Variants in DTNB observed in about 807,000 individuals in gnomAD.
DTNB encodes DTN-B.
In DTNB, 63 loss-of-function variants were observed where a neutral mutation model predicts 90.7. The ratio of observed to expected loss-of-function variants is 0.69; its 90% CI spans 0.57 to 0.86. The LOEUF is 0.86. Among genes scored for constraint, DTNB ranks in the 40% least tolerant of loss-of-function variants. DTNB has a pLI of 0.00. For synonymous variants in DTNB, 277 were observed against 286.7 expected (o/e 0.97, Z 0.34); for missense variants, 744 against 807.1 (o/e 0.92, Z 0.95).
intron 8 of DTNB, among the ~76,000 whole-genome samples, chr2:25,570,406 CAAAAAAAAAAAAA>C (rs146251976): frequency 3.3e-5 from 3 of 89,904 alleles, no homozygotes; most frequent in African/African-American, 5.1e-5. Flanking sequence ...TTTCCTGTCT[CAAAAAAAAAAAAA>C]AAAAAAAAAA....
chr2:25,594,903 T>G (rs2064276088), intron 6 of DTNB: 1 of 152,244 alleles, frequency 6.6e-6, no homozygotes, highest in Non-Finnish European at 1.5e-5. Context: ...GTCTATAAAC[T>G]TTATTCAGAT....
chr2:25,440,807 C>G (rs1385163943), intron 12 of DTNB, among the ~76,000 whole-genome samples: 1 of 152,188 alleles, frequency 6.6e-6, no homozygotes, highest in Admixed American at 6.5e-5. Flanking sequence ...ATTTCTCTCT[C>G]AAGTATTTTA....
chr2:25,633,815 T>C (rs1325156050), intron 3 of DTNB, among the ~76,000 whole-genome samples: 1 of 143,908 alleles, frequency 6.9e-6, no homozygotes, highest in Non-Finnish European at 1.5e-5. Context: ...GGAGCGCCTC[T>C]GCCCCGCCAC....
chr2:25,453,735 T>A (rs892894385), intron 11 of DTNB, among the ~76,000 whole-genome samples: 11 of 152,174 alleles, frequency 7.2e-5, no homozygotes, highest in African/African-American at 1.9e-4. Flanking sequence ...GCTGGGACAG[T>A]GTGCAAAGAA....
chr2:25,496,646 C>A (rs149346256), intron 9 of DTNB, among the ~76,000 whole-genome samples: 157 of 152,186 alleles, frequency 1.0e-3, no homozygotes, highest in African/African-American at 3.7e-3. Flanking sequence ...AAGTTCAAGA[C>A]GAGCGTGGCC....
intron 6 of DTNB, among the ~76,000 whole-genome samples, chr2:25,588,107 T>C (rs1294975140): frequency 6.6e-6 from 1 of 152,092 alleles, no homozygotes; most frequent in African/African-American, 2.4e-5. Context: ...TTATTTTGGT[T>C]ATATCTCAGT....
intron 2 of DTNB, among the ~76,000 whole-genome samples, chr2:25,645,081 A>C (rs959760982): frequency 4.6e-5 from 7 of 152,152 alleles, no homozygotes; most frequent in Admixed American, 6.5e-5. Flanking sequence ...AATAGCAAGC[A>C]AAGAAAGTGG....
rs538296431 is a variant in DTNB at position 25,482,736 on chromosome 2, GGGCATCGCAAATCAGTAGCAGA to G, written c.1079+38_1079+59del. 416 of 1,550,566 alleles carry G rather than the reference GGGCATCGCAAATCAGTAGCAGA, an allele frequency of 2.7e-4. 7 individuals are homozygous for G. In the South Asian group the frequency reaches 4.2e-3, roughly 16 times the overall value. On this transcript the variant is annotated intron_variant, in intron 10 of 20. Coordinates refer to ENST00000406818, the MANE Select transcript of DTNB (RefSeq NM_021907.5). ...GCTTTTCAGGCCTCATTTCTGGCAG[GGGCATCGCAAATCAGTAGCAGA>G]GGCCAACACCCAAGTCGAAGGCACA...
chr2:25,504,654 A>G (rs558699090), intron 9 of DTNB, among the ~76,000 whole-genome samples: 93 of 152,278 alleles, frequency 6.1e-4, no homozygotes, highest in Middle Eastern at 3.4e-3. Flanking sequence ...AGGAAAAGAA[A>G]GAAAGAAATT....
rs755503788 is a variant in DTNB, at chr2:25,576,896, C to T, written c.818G>A (p.Arg273His). The change falls in exon 8 of 21, where the codon CGT becomes CAT. Residue 273 changes from arginine (R) to histidine (H), a missense_variant. Arg to His is a conservative substitution (Grantham distance 29). Transcript: ENST00000406818. ...GCTGTGAGGGCCGCCGGCATGGCCA[C>T]GCCAAAAGCAATTCTGGCAGAGCTG... is the stretch of plus-strand genomic sequence containing the variant. The part of the protein sequence containing the change: ...NYQLCQNCFW[R>H]GHAGGPHSNQ... The T allele has an allele frequency of 2.8e-5, 45 of 1,613,140 alleles. No individual in the cohort carries two copies. The African/African-American group carries it at 3.9e-4, about 14-fold the overall frequency.
chr2:25,397,824 G>C (rs2042778313), intron 16 of DTNB, among the ~76,000 whole-genome samples: 1 of 146,906 alleles, frequency 6.8e-6, no homozygotes, highest in Admixed American at 7.0e-5. Context: ...AGCTTGCAGT[G>C]AGCCAAAATC....
chr2:25,433,001 T>C lies in DTNB; in HGVS notation c.1344-2A>G, dbSNP rs1325819971. On this transcript the variant is annotated splice_acceptor_variant, in intron 13 of 20. Transcript: ENST00000406818. LOFTEE classifies it high-confidence loss of function. ...CGCTGAATCTCCTGCAGGATCTCTC[T>C]AGAGAGGATGGGTGAACGGAAAGGG... The C allele has an allele frequency of 1.9e-6, 3 of 1,601,230 alleles. No individual in the cohort carries two copies. Among genetic ancestry groups the C allele is most frequent in the Non-Finnish European group, 1.7e-6 (2 of 1,175,222 alleles).
chr2:25,489,323 A>T (rs993304632), intron 9 of DTNB, among the ~76,000 whole-genome samples: 6 of 152,242 alleles, frequency 3.9e-5, no homozygotes, highest in African/African-American at 1.2e-4. Flanking sequence ...ATATTTGCCT[A>T]TAATGTGACA....
chr2:25,638,420 A>G (rs1211904885), intron 3 of DTNB, among the ~76,000 whole-genome samples: 2 of 152,252 alleles, frequency 1.3e-5, no homozygotes, highest in African/African-American at 4.8e-5. Context: ...TGCTCTTTCC[A>G]TTGTATAAAA....
intron 2 of DTNB, among the ~76,000 whole-genome samples, chr2:25,642,741 G>A (rs2078616053): frequency 6.6e-6 from 1 of 151,844 alleles, no homozygotes; most frequent in Non-Finnish European, 1.5e-5. Context: ...AAGTGCCCCA[G>A]TAGAGTGTTT....
intron 6 of DTNB, chr2:25,594,971 T>A (rs892215421): frequency 4.6e-5 from 7 of 152,262 alleles, no homozygotes; most frequent in Non-Finnish European, 7.3e-5. Context: ...GCTTGTGAGT[T>A]CATTCAGCTT....
At chr2:25,465,669 C>T (rs960647514) in intron 10 of DTNB, among the ~76,000 whole-genome samples, 1 of 152,094 alleles carries the variant, frequency 6.6e-6, no homozygotes, top group Non-Finnish European at 1.5e-5. Context: ...CTCCCCATTC[C>T]CTCTGCCTGG....
rs968687900 is a variant in DTNB at position 25,424,828 on chromosome 2, C to T, written c.1554+2707G>A. Among the ~76,000 whole-genome samples, 34 of 152,064 alleles carry T rather than the reference C, an allele frequency of 2.2e-4. No homozygotes were observed. The highest frequency in any genetic ancestry group is 3.2e-4 in the Non-Finnish European group (22 of 68,008). On this transcript the variant is annotated intron_variant, in intron 15 of 20. Transcript: ENST00000406818. This position sits in a 1 kb window ranked among gnomAD's most constrained non-coding sequence, Gnocchi z 4.1. Reference sequence around the variant, plus strand: ...GATTATAGGCACGTGCCACCGTGCCCGGCTAATTTTTGTGTTTTTAGTAGA... The same window carrying T: ...GATTATAGGCACGTGCCACCGTGCCTGGCTAATTTTTGTGTTTTTAGTAGA...
chr2:25,447,937 T>C (rs928516600), intron 12 of DTNB, among the ~76,000 whole-genome samples: 4 of 152,148 alleles, frequency 2.6e-5, no homozygotes, highest in African/African-American at 7.2e-5. Flanking sequence ...TTCCTGACAA[T>C]TGACATTCAA....
Sources: allele counts gnomAD v4.1 joint callset (sites outside exome capture counted in the v4.1 genomes callset), GRCh38; gene constraint gnomAD v4.1.1; non-coding constraint Gnocchi (gnomAD v3.1); transcripts MANE v1.5; gene names NCBI Gene and HGNC (gene_info 2026-07-23, HGNC 2026-07-21).